The following PIGS variants were observed in gnomAD, a reference collection of about 807,000 sequenced individuals.
The protein encoded by PIGS is GPI-anchor transamidase component PIGS.
A neutral mutation model predicts 58.2 loss-of-function variants in PIGS; 37 were observed. The observed-to-expected ratio is 0.64, with a 90% CI of 0.49 to 0.84. The LOEUF is 0.84. Ranked by LOEUF, PIGS falls within the 40% of genes least tolerant of loss-of-function variation. The pLI is 0.00. For missense variants in PIGS, 629 were observed against 710.8 expected (o/e 0.88, Z 1.31); for synonymous variants, 269 against 289.2 (o/e 0.93, Z 0.71).
intron 7 of PIGS, among the ~76,000 whole-genome samples, chr17:28,559,812 A>C (rs2070352258): frequency 6.6e-6 from 1 of 152,132 alleles, no homozygotes; most frequent in South Asian, 2.1e-4. Flanking sequence ...AAGCACTGAC[A>C]AACTCTCTCA....
chr17:28,553,845 T>G lies in PIGS; in HGVS notation c.*375A>C. On this transcript the variant is annotated 3_prime_UTR_variant, in exon 12 of 12. Coordinates refer to ENST00000308360, the MANE Select transcript of PIGS (RefSeq NM_033198.4). The stretch of plus-strand genomic sequence containing the variant: ...GTCCCACAGGGACTAGAGAGAGGTG[T>G]GGAAGGCAGGGACTTTCCCATAATG... The G allele has an allele frequency of 3.9e-6, 1 of 258,422 alleles. No individual in the cohort carries two copies. The highest frequency in any genetic ancestry group is 7.5e-6 in the Non-Finnish European group (1 of 133,218). 16.0% of individuals were successfully genotyped at this position (258,422 alleles called of 1,614,324 possible). A position where few individuals can be genotyped will look rare whatever the true frequency, so the allele number is the denominator to read the frequency against.
chr17:28,556,707 GC>G, intron 9 of PIGS, 119 bp downstream of exon 9: 1 of 1,321,910 alleles, frequency 7.6e-7, no homozygotes, highest in Non-Finnish European at 1.0e-6. Context: ...CCTGGTGCCT[GC>G]CCCTCCCACA....
chr17:28,558,494 G>C lies in PIGS; in HGVS notation c.916C>G (p.Pro306Ala), dbSNP rs201018217. The change falls in exon 8 of 12, where the codon CCA becomes GCA. Residue 306 changes from proline to alanine, a missense_variant. Coordinates refer to ENST00000308360, the MANE Select transcript of PIGS (RefSeq NM_033198.4). ...TGCTCACCCAGCCGGGACTCCACTG[G>C]GTTGATGACATGGGGGAGGCTGTGC... ...DMHSLPHVIN[P>A]VESRLGSSAA... The C allele has an allele frequency of 6.2e-7, 1 of 1,612,706 alleles. No individual in the cohort carries two copies. The highest frequency in any genetic ancestry group is 1.7e-4 in the Middle Eastern group (1 of 6,054).
chr17:28,559,532 T>C (rs947083514), intron 7 of PIGS, among the ~76,000 whole-genome samples: 1 of 150,486 alleles, frequency 6.6e-6, no homozygotes, highest in Non-Finnish European at 1.5e-5. Context: ...TGAAAACCCG[T>C]CTCTACTAAA....
At chr17:28,557,145 G>A (rs1010461154) in intron 8 of PIGS, 173 bp from the exon 9 acceptor site, 7 of 671,374 alleles carry the variant, frequency 1.0e-5, no homozygotes, top group East Asian at 5.8e-5. Flanking sequence ...ATGTTCTCCC[G>A]AGATGTGCCA....
At chr17:28,560,010 G>C (rs748281977) in intron 7 of PIGS, 39 bp downstream of exon 7, 1 of 1,574,696 alleles carries the variant, frequency 6.4e-7, no homozygotes, top group Non-Finnish European at 8.6e-7. Context: ...AATATGTATA[G>C]ACATTGAAAA....
In PIGS at chr17:28,554,195, G is replaced by A. The variant is rs923009454; in HGVS notation, c.*25C>T. The A allele has an allele frequency of 6.2e-7, 1 of 1,609,412 alleles. No individual in the cohort carries two copies. On this transcript the variant is annotated 3_prime_UTR_variant, in exon 12 of 12. Coordinates refer to ENST00000308360, the MANE Select transcript of PIGS (RefSeq NM_033198.4). Reference sequence around the variant, plus strand: ...CCGCCCACCTTGGCCAGAAAGGAAGGCTTCCTATGGAGGTGCTGCCCTGCT... The same window carrying A: ...CCGCCCACCTTGGCCAGAAAGGAAGACTTCCTATGGAGGTGCTGCCCTGCT...
At chr17:28,566,226 CAAAAA>C (rs35456812) in intron 3 of PIGS, among the ~76,000 whole-genome samples, 1 of 55,632 alleles carries the variant, frequency 1.8e-5, no homozygotes, top group Non-Finnish European at 3.5e-5. Context: ...GACCCTATCT[CAAAAA>C]AAAAAAAAAA....
chr17:28,554,264 G>A lies in PIGS; in HGVS notation c.1624C>T (p.Leu542=). Reference sequence around the variant, plus strand: ...TTTCTCCAGGACTTGCGGGTCTCCAGGAAGATCTTGACCAGGGACAGGAGG... The same window carrying A: ...TTTCTCCAGGACTTGCGGGTCTCCAAGAAGATCTTGACCAGGGACAGGAGG... ...PILLSLVKIF[L]ETRKSWRKPE... The change falls in exon 12 of 12, where the codon CTG becomes TTG. Residue 542 remains leucine, a synonymous_variant. Transcript: ENST00000308360. 3.1e-6 allele frequency: 5 copies of A among 1,614,230 alleles called. No individual in the cohort carries two copies. The highest frequency in any genetic ancestry group is 4.2e-6 in the Non-Finnish European group (5 of 1,180,038).
At chr17:28,555,862 C>T (rs2070323685) in intron 10 of PIGS, 1 of 263,668 alleles carries the variant, frequency 3.8e-6, no homozygotes, top group Non-Finnish European at 7.4e-6. Flanking sequence ...CCCAGCTACT[C>T]GGGAGGCTGA....
Position 28,554,456 on chromosome 17 carries a change from C to T in PIGS, c.1432G>A (p.Glu478Lys). The change falls in exon 12 of 12, where the codon GAG (glutamate) becomes AAG (lysine). Residue 478 changes from glutamate (E) to lysine (K), a missense_variant. Glu to Lys is a moderately conservative substitution (Grantham distance 56). Transcript: ENST00000308360. ...GATGCCAGGTGCCCAGACGCCAACT[C>T]TTCTGCCGACTTCTGGACGGCAGCT... ...AVAAVQKSAEELASGHLASAF... is the reference protein window; with the variant it reads ...AVAAVQKSAEKLASGHLASAF... 1 of 1,614,170 alleles carries T rather than the reference C, an allele frequency of 6.2e-7. No individual in the cohort carries two copies. The highest frequency in any genetic ancestry group is 8.5e-7 in the Non-Finnish European group (1 of 1,180,052).
chr17:28,567,601 TA>T (rs1257946864), intron 3 of PIGS, among the ~76,000 whole-genome samples: 1 of 152,216 alleles, frequency 6.6e-6, no homozygotes, highest in Non-Finnish European at 1.5e-5. Context: ...AATTAGGTGA[TA>T]TTAAGGAATC....
chr17:28,561,703 T>C, intron 5 of PIGS, 74 bp from the exon 6 acceptor site: 1 of 1,459,932 alleles, frequency 6.8e-7, no homozygotes, highest in Non-Finnish European at 9.3e-7. Flanking sequence ...GCTCCTACTG[T>C]TCCGAATCTG....
rs984431184 is a variant in PIGS at position 28,563,521 on chromosome 17, C to T, written c.378G>A (p.Glu126=). Residue 126 remains glutamate, a splice_region_variant and synonymous_variant, in exon 5 of 12, where the codon GAG becomes GAA. Transcript: ENST00000308360. ...EEALSSGSVQ[E]AEAMLDEPQE... The stretch of plus-strand genomic sequence containing the variant: ...GAGGCTCATCTAACATGGCTTCTGC[C>T]TCTGGGGGCAAGAACAGGTGGTACA... 28 of 1,613,634 alleles carry T rather than the reference C, an allele frequency of 1.7e-5. No individual in the cohort carries two copies. The highest frequency in any genetic ancestry group is 2.4e-5 in the Non-Finnish European group (28 of 1,179,932).
At chr17:28,560,735 G>A (rs1000891287) in intron 6 of PIGS, among the ~76,000 whole-genome samples, 8 of 151,990 alleles carry the variant, frequency 5.3e-5, no homozygotes, top group African/African-American at 1.9e-4. Flanking sequence ...ACAAGATCAC[G>A]TCACTGCACT....
In PIGS at chr17:28,563,498, G is replaced by A. The variant is rs775201885; in HGVS notation, c.401C>T (p.Pro134Leu). The change falls in exon 5 of 12, where the codon CCT becomes CTT. Residue 134 changes from proline to leucine, a missense_variant. Physicochemically the swap from Pro to Leu is moderately conservative, Grantham distance 98. Transcript: ENST00000308360. The part of the protein sequence containing the change: ...VQEAEAMLDE[P>L]QEQAEGSLTV... Reference sequence around the variant, plus strand: ...CAGGGAGCCCTCCGCTTGTTCCTGAGGCTCATCTAACATGGCTTCTGCCTC... The same window carrying A: ...CAGGGAGCCCTCCGCTTGTTCCTGAAGCTCATCTAACATGGCTTCTGCCTC... 23 of 1,613,918 alleles carry A rather than the reference G, an allele frequency of 1.4e-5. No homozygotes were observed. The highest frequency in any genetic ancestry group is 5.3e-5 in the African/African-American group (4 of 74,890).
chr17:28,557,604 C>T (rs947565920), intron 8 of PIGS: 2 of 152,304 alleles, frequency 1.3e-5, no homozygotes, highest in Non-Finnish European at 1.5e-5. Context: ...AATAAATGAA[C>T]GGAGGAATTT....
At chr17:28,559,184 C>T (rs2070348068) in intron 7 of PIGS, among the ~76,000 whole-genome samples, 1 of 150,508 alleles carries the variant, frequency 6.6e-6, no homozygotes, top group Non-Finnish European at 1.5e-5. Flanking sequence ...ACCATGTTGG[C>T]CAGGATGGTC....
intron 3 of PIGS, among the ~76,000 whole-genome samples, chr17:28,568,407 C>T (rs1259232872): frequency 6.6e-6 from 1 of 152,010 alleles, no homozygotes; most frequent in East Asian, 1.9e-4. Context: ...CCAGCTTTGT[C>T]TTTTTTATTG....
Sources: allele counts gnomAD v4.1 joint callset (sites outside exome capture counted in the v4.1 genomes callset), GRCh38; gene constraint gnomAD v4.1.1; transcripts MANE v1.5; gene names NCBI Gene and HGNC (gene_info 2026-07-23, HGNC 2026-07-21).